SLC39A5: variants seen among roughly 807,000 people sequenced by gnomAD.
SLC39A5 encodes solute carrier family 39 member 5.
In SLC39A5, 42 loss-of-function variants were observed where a neutral mutation model predicts 46.9. The ratio of observed to expected loss-of-function variants is 0.90; its 90% CI spans 0.70 to 1.16. SLC39A5 has a LOEUF of 1.16. SLC39A5 is among the 50% of genes most tolerant of loss of function. The pLI is 0.00. For synonymous variants in SLC39A5, 311 were observed against 323.1 expected, an observed-to-expected ratio of 0.96 and a Z score of 0.40; for missense variants, 677 against 686.8, an observed-to-expected ratio of 0.99 and a Z score of 0.16.
At position 56,237,171 on chromosome 12, in the gene SLC39A5, A is replaced by C; in HGVS notation, c.1310A>C (p.Gln437Pro). The C allele has an allele frequency of 6.2e-7, 1 of 1,613,772 alleles. No homozygotes were observed. The highest frequency in any genetic ancestry group is 8.5e-7 in the Non-Finnish European group (1 of 1,179,990). Residue 437 changes from glutamine to proline, a missense_variant, in exon 12 of 13, where the codon CAG (glutamine) becomes CCG (proline). Coordinates refer to ENST00000454355, the MANE Select transcript of SLC39A5 (RefSeq NM_173596.3). Reference protein sequence around the residue: ...HELGDFAMLLQSGLSFRRLLL... With the variant: ...HELGDFAMLLPSGLSFRRLLL... ...ATAGGTGACTTTGCCATGCTGCTCCAGTCAGGGCTGTCCTTTCGGCGGCTG... is the reference window on the plus strand; with the variant it reads ...ATAGGTGACTTTGCCATGCTGCTCCCGTCAGGGCTGTCCTTTCGGCGGCTG...
intron 11 of SLC39A5, 44 bp downstream of exon 11, chr12:56,237,055 A>ATAG: frequency 6.2e-7 from 1 of 1,613,304 alleles, no homozygotes; most frequent in Non-Finnish European, 8.5e-7. Flanking sequence ...CAGAAAGGAG[A>ATAG]TAGCTCCAAG....
intron 4 of SLC39A5, among the ~76,000 whole-genome samples, 191 bp from the exon 5 acceptor site, chr12:56,232,498 T>A (rs1216070130): frequency 6.6e-6 from 1 of 152,138 alleles, no homozygotes; most frequent in Non-Finnish European, 1.5e-5. Flanking sequence ...GTCCTTTTTT[T>A]TCTGTCCCCC....
chr12:56,234,945 T>C lies in SLC39A5; in HGVS notation c.593T>C (p.Ile198Thr). Reference protein sequence around the residue: ...LLYQIDSRVCIGAPAPAPPGD... With the variant: ...LLYQIDSRVCTGAPAPAPPGD... ...TATCAGATCGACAGCCGCGTCTGCA[T>C]CGGCGCTCCGGCCCCTGCACCCCCA... Residue 198 changes from isoleucine (I) to threonine (T), a missense_variant, in exon 6 of 13, where the codon ATC becomes ACC. Ile to Thr is a moderately conservative substitution (Grantham distance 89). Coordinates refer to ENST00000454355, the MANE Select transcript of SLC39A5 (RefSeq NM_173596.3). The C allele has an allele frequency of 6.2e-7, 1 of 1,613,694 alleles. No individual in the cohort carries two copies. The highest frequency in any genetic ancestry group is 2.2e-5 in the East Asian group (1 of 44,874).
At chr12:56,230,560 C>T (rs1010797718) in intron 2 of SLC39A5, 30 of 152,254 alleles carry the variant, frequency 2.0e-4, no homozygotes, top group African/African-American at 7.0e-4. Context: ...CCCAGGTTCT[C>T]CTTAGCCATG....
intron 6 of SLC39A5, 56 bp downstream of exon 6, chr12:56,235,042 C>T: frequency 1.2e-6 from 2 of 1,602,256 alleles, no homozygotes; most frequent in African/African-American, 2.7e-5. Context: ...GGGGCCCATG[C>T]CAAAAAGGAG....
chr12:56,232,165 T>C (rs947102406), intron 4 of SLC39A5, among the ~76,000 whole-genome samples: 17 of 124,588 alleles, frequency 1.4e-4, no homozygotes, highest in Admixed American at 8.2e-4. Context: ...TCTTTTCTTT[T>C]TTTTTTTTTT....
chr12:56,236,842 G>A (rs1565602650), intron 10 of SLC39A5, 89 bp from the exon 11 acceptor site: 1 of 1,588,430 alleles, frequency 6.3e-7, no homozygotes, highest in Non-Finnish European at 8.6e-7. Flanking sequence ...GGAAGATGGG[G>A]AGAGGACGGG....
Position 56,235,275 on chromosome 12 carries a change from C to T in SLC39A5, c.753C>T (p.Ala251=). The change falls in exon 7 of 13, where the codon GCC becomes GCT. Residue 251 remains alanine, a synonymous_variant. Coordinates refer to ENST00000454355, the MANE Select transcript of SLC39A5 (RefSeq NM_173596.3). The part of the protein sequence containing the change: ...LLRPLLGFLG[A]LAVGTLCGDA... ...GGCCCTTGCTGGGCTTCCTGGGGGC[C>T]CTGGCGGTGGGCACTCTTTGTGGGG... 1 of 1,561,288 alleles carries T rather than the reference C, an allele frequency of 6.4e-7. No homozygotes were observed. Among genetic ancestry groups the T allele is most frequent in the Non-Finnish European group, 8.6e-7 (1 of 1,159,358 alleles).
intron 5 of SLC39A5, among the ~76,000 whole-genome samples, chr12:56,233,441 C>T (rs1870433695): frequency 6.6e-6 from 1 of 151,572 alleles, no homozygotes; most frequent in Non-Finnish European, 1.5e-5. Flanking sequence ...CACAGCGAGA[C>T]TCTGTCTCAA....
chr12:56,231,370 TGAGCAGGAGCAGAACCATTACCTGGCCCA>T lies in SLC39A5; in HGVS notation c.98_126del (p.Glu33AlafsTer59). 6.2e-7 allele frequency: 1 copy of T among 1,614,060 alleles called. No homozygotes were observed. Reference sequence around the variant, plus strand: ...GCTCAGTCCCCAACCTGGGCCCTGCTGAGCAGGAGCAGAACCATTACCTGGCCCAGCTGTTTGGCCTGTACGGCGAGAAT... The same window carrying T: ...GCTCAGTCCCCAACCTGGGCCCTGCTGCTGTTTGGCCTGTACGGCGAGAAT... On this transcript the variant is annotated frameshift_variant, in exon 4 of 13. Coordinates refer to ENST00000454355, the MANE Select transcript of SLC39A5 (RefSeq NM_173596.3). LOFTEE classifies it high-confidence loss of function.
intron 7 of SLC39A5, 48 bp from the exon 8 acceptor site, chr12:56,235,512 G>A: frequency 6.3e-7 from 1 of 1,585,486 alleles, no homozygotes; most frequent in Admixed American, 1.9e-5. Flanking sequence ...AGGGGATGTT[G>A]TTGGGTATAG....
intron 5 of SLC39A5, 123 bp from the exon 6 acceptor site, chr12:56,234,701 T>C: frequency 9.6e-7 from 1 of 1,046,148 alleles, no homozygotes; most frequent in South Asian, 1.5e-5. Flanking sequence ...CCTCAGATGA[T>C]ACACCCGCCT....
At position 56,236,397 on chromosome 12, in the gene SLC39A5, G is replaced by T. The variant is rs1870766470; in HGVS notation, c.947G>T (p.Arg316Ile). 6.2e-7 allele frequency: 1 copy of T among 1,614,098 alleles called. No individual in the cohort carries two copies. The highest frequency in any genetic ancestry group is 8.5e-7 in the Non-Finnish European group (1 of 1,180,042). ...AGGAGGGATGCCCTCCTATTTCAGA[G>T]ATGCTGCAGGCGAAAACGAAGGAAT... ...GLLRHRGLRPRCCRRKRRNLE... is the reference protein window; with the variant it reads ...GLLRHRGLRPICCRRKRRNLE... The change falls in exon 9 of 13, where the codon AGA (arginine) becomes ATA (isoleucine). Residue 316 changes from arginine to isoleucine, a missense_variant and splice_region_variant. Arg to Ile is a moderately conservative substitution (Grantham distance 97). Coordinates refer to ENST00000454355, the MANE Select transcript of SLC39A5 (RefSeq NM_173596.3).
In SLC39A5 at chr12:56,237,838, C is replaced by T; in HGVS notation, c.*107C>T. 7.7e-7 allele frequency: 1 copy of T among 1,301,544 alleles called. No homozygotes were observed. The highest frequency in any genetic ancestry group is 1.6e-5 in the South Asian group (1 of 64,312). 80.6% of individuals were successfully genotyped at this position (1,301,544 alleles called of 1,614,324 possible). On this transcript the variant is annotated 3_prime_UTR_variant, in exon 13 of 13. Coordinates refer to ENST00000454355, the MANE Select transcript of SLC39A5 (RefSeq NM_173596.3). ...CAATAGGATTTTAATAAACAGAACC[C>T]ATCCCAAAGCCATGACTACGACAGT...
chr12:56,235,342 T>C lies in SLC39A5; in HGVS notation c.804+16T>C. The C allele has an allele frequency of 6.6e-7, 1 of 1,510,326 alleles. No individual in the cohort carries two copies. The highest frequency in any genetic ancestry group is 8.8e-7 in the Non-Finnish European group (1 of 1,136,362). The allele number at this position is 1,510,326 out of a possible 1,614,324, so 93.6% of individuals were successfully genotyped here. On this transcript the variant is annotated intron_variant, in intron 7 of 12. Coordinates refer to ENST00000454355, the MANE Select transcript of SLC39A5 (RefSeq NM_173596.3). The stretch of plus-strand genomic sequence containing the variant: ...GCTACCGCATGTATGTGAAGCCCCT[T>C]CCTTGTACCCCTGGCCTCCATGGAT...
chr12:56,236,928 C>T lies in SLC39A5; in HGVS notation c.1208-3C>T. The T allele has an allele frequency of 6.2e-7, 1 of 1,614,082 alleles. No individual in the cohort carries two copies. Among genetic ancestry groups the T allele is most frequent in the East Asian group, 2.2e-5 (1 of 44,888 alleles). ...TGACAACTTCCGACCCTGCTGGCCC[C>T]AGGTGCTGCCTTCTCTGATGGCTTC... On this transcript the variant is annotated splice_polypyrimidine_tract_variant and splice_region_variant and intron_variant, in intron 10 of 12. Transcript: ENST00000454355.
chr12:56,237,420 C>T, intron 12 of SLC39A5, 80 bp downstream of exon 12: 2 of 1,526,672 alleles, frequency 1.3e-6, no homozygotes, highest in South Asian at 1.3e-5. Flanking sequence ...GTCCCTCCGC[C>T]TCTACCATTA....
At chr12:56,234,750 A>G in intron 5 of SLC39A5, 74 bp from the exon 6 acceptor site, 1 of 1,541,028 alleles carries the variant, frequency 6.5e-7, no homozygotes, top group Non-Finnish European at 8.9e-7. Flanking sequence ...GTGAGCCACT[A>G]CACCTGGCCA....
chr12:56,235,904 G>T (rs1410774698), intron 8 of SLC39A5: 2 of 588,560 alleles, frequency 3.4e-6, no homozygotes, highest in Admixed American at 6.5e-5. Context: ...TTAGCTGGGC[G>T]TGGTGGTGCG....
Sources: gnomAD v4.1 joint callset for allele counts (sites outside exome capture counted in the v4.1 genomes callset) on GRCh38, gnomAD v4.1.1 for gene constraint, MANE v1.5 for transcripts, NCBI Gene and HGNC (gene_info 2026-07-23, HGNC 2026-07-21) for gene names.